The following KCTD21 variants were observed in gnomAD, a reference collection of about 807,000 sequenced individuals.
The protein encoded by KCTD21 is potassium channel tetramerization domain containing 21.
KCTD21 carries 9 observed loss-of-function variants against 13.2 expected under a neutral mutation model. That is an observed-to-expected ratio of 0.68 (90% CI 0.41 to 1.19). KCTD21 has a LOEUF of 1.19. Among genes scored for constraint, KCTD21 ranks in the 50% most tolerant of loss-of-function variants. KCTD21 has a pLI of 0.01. For missense variants in KCTD21, 303 were observed against 336.5 expected (o/e 0.90, Z 0.78); for synonymous variants, 142 against 137.4 (o/e 1.03, Z -0.23).
Position 78,188,300 on chromosome 11 carries a change from G to C in KCTD21, c.-30+273C>G, listed in dbSNP as rs1368528589. On this transcript the variant is annotated intron_variant, in intron 1 of 1. Transcript: ENST00000340067. Reference sequence around the variant, plus strand: ...CCACCCACCAAGGACTCCTCCCACAGTCCCGACCCTCATTATCCGGGCTTT... The same window carrying C: ...CCACCCACCAAGGACTCCTCCCACACTCCCGACCCTCATTATCCGGGCTTT... The C allele has an allele frequency of 7.2e-6, 7 of 970,002 alleles. No individual in the cohort carries two copies. The African/African-American group carries it at 1.4e-4, about 19-fold the overall frequency. 60.1% of individuals were successfully genotyped at this position (970,002 alleles called of 1,614,324 possible).
intron 1 of KCTD21, among the ~76,000 whole-genome samples, chr11:78,182,068 CAG>C (rs1247409394): frequency 3.3e-5 from 5 of 152,174 alleles, no homozygotes; most frequent in East Asian, 1.9e-4. Flanking sequence ...GCCTTGCACT[CAG>C]GGGAGGGGTT....
intron 1 of KCTD21, chr11:78,176,863 C>CAACAACAAA (rs1555081600): frequency 6.6e-6 from 1 of 151,696 alleles, no homozygotes; most frequent in African/African-American, 2.4e-5. Context: ...ACAACAACAA[C>CAACAACAAA]AAAGCAGGGT....
At position 78,173,728 on chromosome 11, in the gene KCTD21, T is replaced by G; in HGVS notation, c.*44A>C. ...GATGCCCTCCAAGACCTGGCTGACATGAGCTTCCTGGGACTCCCCATCTCC... is the reference window on the plus strand; with the variant it reads ...GATGCCCTCCAAGACCTGGCTGACAGGAGCTTCCTGGGACTCCCCATCTCC... On this transcript the variant is annotated 3_prime_UTR_variant, in exon 2 of 2. Coordinates refer to ENST00000340067, the MANE Select transcript of KCTD21 (RefSeq NM_001029859.3). 5.3e-5 allele frequency: 82 copies of G among 1,539,216 alleles called. No individual in the cohort carries two copies. The highest frequency in any genetic ancestry group is 6.4e-5 in the Non-Finnish European group (72 of 1,131,108).
chr11:78,186,528 C>T (rs61265419), intron 1 of KCTD21, among the ~76,000 whole-genome samples: 6,666 of 152,136 alleles, frequency 0.044, 425 homozygotes, highest in African/African-American at 0.14. Flanking sequence ...GGGCACGTTC[C>T]TGGGCAGATG....
At chr11:78,174,867 T>G (rs1244493055) in intron 1 of KCTD21, 2 of 293,908 alleles carry the variant, frequency 6.8e-6, no homozygotes, top group Non-Finnish European at 1.3e-5. Context: ...CATTCTATTT[T>G]AATTGGTCTG....
chr11:78,184,603 T>C (rs1005882699), intron 1 of KCTD21, among the ~76,000 whole-genome samples: 19 of 152,020 alleles, frequency 1.2e-4, no homozygotes, highest in Non-Finnish European at 2.2e-4. Flanking sequence ...TCCCAAAATG[T>C]TGGGATTACA....
intron 1 of KCTD21, chr11:78,188,023 T>A: frequency 1.0e-6 from 1 of 985,436 alleles, no homozygotes; most frequent in Middle Eastern, 5.2e-4. Flanking sequence ...GGGGATGGAC[T>A]CTTTATTTCC....
intron 1 of KCTD21, among the ~76,000 whole-genome samples, chr11:78,184,427 C>T (rs1334810212): frequency 6.6e-6 from 1 of 151,902 alleles, no homozygotes; most frequent in African/African-American, 2.4e-5. Flanking sequence ...ACCTCCACCT[C>T]CTGAGTTCAA....
chr11:78,178,457 C>A (rs1022228588), intron 1 of KCTD21, among the ~76,000 whole-genome samples: 18 of 152,154 alleles, frequency 1.2e-4, no homozygotes, highest in Non-Finnish European at 2.6e-4. Context: ...CACAGGGCCA[C>A]AGTGTCCATC....
At chr11:78,187,146 A>G in intron 1 of KCTD21, 1 of 985,434 alleles carries the variant, frequency 1.0e-6, no homozygotes. Flanking sequence ...GTAAATTTCA[A>G]AAAAGACAAT....
chr11:78,174,759 G>A, intron 1 of KCTD21, 176 bp from the exon 2 acceptor site: 1 of 484,600 alleles, frequency 2.1e-6, no homozygotes, highest in Non-Finnish European at 3.7e-6. Context: ...ACTAGGGAGA[G>A]GGAAAGGAGA....
At chr11:78,174,842 C>A (rs761533292) in intron 1 of KCTD21, 4 of 338,760 alleles carry the variant, frequency 1.2e-5, no homozygotes, top group Non-Finnish European at 2.2e-5. Context: ...CCCCCGCGCC[C>A]CCCTCTGCTG....
chr11:78,186,402 A>AAAAAAC (rs71046958), intron 1 of KCTD21, among the ~76,000 whole-genome samples: 55 of 132,086 alleles, frequency 4.2e-4, no homozygotes, highest in Non-Finnish European at 7.4e-4. Flanking sequence ...AAAAAAAAAA[A>AAAAAAC]AAAAAGAAAA....
rs1237204524 is a variant in KCTD21, at chr11:78,172,366, A to G, written c.*1406T>C. ...ATACCACTCCTGGGCTCCTTGCTGC[A>G]CAGCACCCTTGGAGACCGTCTCTTT... On this transcript the variant is annotated 3_prime_UTR_variant, in exon 2 of 2. Transcript: ENST00000340067. 6.6e-6 allele frequency: 1 copy of G among 152,252 alleles called. No homozygotes were observed. The highest frequency in any genetic ancestry group is 1.5e-5 in the Non-Finnish European group (1 of 68,088). The allele number at this position is 152,252 out of a possible 1,614,324, so 9.4% of individuals were successfully genotyped here. A position where few individuals can be genotyped will look rare whatever the true frequency, so the allele number is the denominator to read the frequency against.
At chr11:78,180,285 T>A (rs1590879311) in intron 1 of KCTD21, among the ~76,000 whole-genome samples, 1 of 152,318 alleles carries the variant, frequency 6.6e-6, no homozygotes, top group South Asian at 2.1e-4. Context: ...AGAAAATATT[T>A]GCAAAACACC....
At chr11:78,180,556 G>C (rs894603683) in intron 1 of KCTD21, among the ~76,000 whole-genome samples, 1 of 152,188 alleles carries the variant, frequency 6.6e-6, no homozygotes, top group Non-Finnish European at 1.5e-5. Flanking sequence ...CTCCAGCAAA[G>C]AAGATATGCA....
chr11:78,179,229 G>A (rs1862546700), intron 1 of KCTD21, among the ~76,000 whole-genome samples: 1 of 151,450 alleles, frequency 6.6e-6, no homozygotes, highest in African/African-American at 2.4e-5. Flanking sequence ...AGTAGAGACG[G>A]GTTTCACCAC....
Position 78,174,405 on chromosome 11 carries a change from G to C in KCTD21, c.150C>G (p.Asp50Glu). ...KRDSQGNCFI[D>E]RDGKVFRYIL... ...TATAGCGGAACACTTTGCCGTCACG[G>C]TCAATGAAGCAGTTGCCCTGGCTGT... is the stretch of plus-strand genomic sequence containing the variant. Residue 50 changes from aspartate to glutamate, a missense_variant, in exon 2 of 2, where the codon GAC becomes GAG. Physicochemically the swap from Asp to Glu is conservative, Grantham distance 45. Coordinates refer to ENST00000340067, the MANE Select transcript of KCTD21 (RefSeq NM_001029859.3). The C allele has an allele frequency of 6.2e-7, 1 of 1,614,082 alleles. No homozygotes were observed. The highest frequency in any genetic ancestry group is 1.3e-5 in the African/African-American group (1 of 75,006).
chr11:78,183,804 T>A (rs1037509088), intron 1 of KCTD21, among the ~76,000 whole-genome samples: 7 of 151,854 alleles, frequency 4.6e-5, no homozygotes, highest in African/African-American at 1.7e-4. Flanking sequence ...CTCGGCTAAT[T>A]TTTTGTATTT....
Sources: allele counts gnomAD v4.1 joint callset (sites outside exome capture counted in the v4.1 genomes callset), GRCh38; gene constraint gnomAD v4.1.1; transcripts MANE v1.5; gene names NCBI Gene and HGNC (gene_info 2026-07-23, HGNC 2026-07-21).